Variants in KIRREL3 observed in about 807,000 individuals in gnomAD.
KIRREL3 encodes the protein kin of IRRE-like protein 3.
In KIRREL3, 36 loss-of-function variants were observed where a neutral mutation model predicts 89.7. That is an observed-to-expected ratio of 0.40 (90% CI 0.31 to 0.53). The LOEUF is 0.53. KIRREL3 is among the 20% of genes least tolerant of loss of function. KIRREL3 has a pLI of 0.49. For synonymous variants in KIRREL3, 445 were observed against 441.4 expected (o/e 1.01, Z -0.10); for missense variants, 864 against 1,056.6 (o/e 0.82, Z 2.53).
intron 1 of KIRREL3, among the ~76,000 whole-genome samples, chr11:126,572,166 G>C (rs1332459353): frequency 6.6e-6 from 1 of 152,170 alleles, no homozygotes; most frequent in Non-Finnish European, 1.5e-5. Context: ...TTTCTAGAAG[G>C]ACCAAGAGTT....
intron 1 of KIRREL3, among the ~76,000 whole-genome samples, chr11:126,735,941 C>G (rs1948785954): frequency 6.6e-6 from 1 of 152,212 alleles, no homozygotes; most frequent in African/African-American, 2.4e-5. Context: ...CCCCCACCTT[C>G]CAGGCATTGG....
At position 126,431,541 on chromosome 11, in the gene KIRREL3, C is replaced by T. The variant is rs758048865; in HGVS notation, c.1589-15G>A. 74 of 1,610,582 alleles carry T rather than the reference C, an allele frequency of 4.6e-5. No individual in the cohort carries two copies. The highest frequency in any genetic ancestry group is 6.7e-5 in the African/African-American group (5 of 74,892). On this transcript the variant is annotated splice_polypyrimidine_tract_variant and intron_variant, in intron 13 of 16. Coordinates refer to ENST00000525144, the MANE Select transcript of KIRREL3 (RefSeq NM_032531.4). The surrounding 1 kb of genome is among the most constrained non-coding windows in gnomAD (Gnocchi z 7.1). Reference sequence around the variant, plus strand: ...CGGCACAGACTCTGTGGGAGAGAAGCGGGCACAGCTGATGACGGATGGGGA... The same window carrying T: ...CGGCACAGACTCTGTGGGAGAGAAGTGGGCACAGCTGATGACGGATGGGGA...
rs188463040 is a variant in KIRREL3, at chr11:126,842,560, G to C, written c.55+157895C>G. On this transcript the variant is annotated intron_variant, in intron 1 of 16. Coordinates refer to ENST00000525144, the MANE Select transcript of KIRREL3 (RefSeq NM_032531.4). ...CAATATCCTTCATCCACCTTCACTT[G>C]GGACCTCATCCTAGGAACACAGTGC... 9.5e-4 allele frequency among the ~76,000 whole-genome samples: 145 copies of C among 152,158 alleles called. 2 individuals are homozygous for C. The highest frequency in any genetic ancestry group is 3.1e-3 in the African/African-American group (128 of 41,508).
At chr11:126,888,801 A>G (rs919987610) in intron 1 of KIRREL3, among the ~76,000 whole-genome samples, 2 of 152,174 alleles carry the variant, frequency 1.3e-5, no homozygotes, top group Non-Finnish European at 2.9e-5. Flanking sequence ...GACCCATTTC[A>G]TTGTCGACAG....
At position 126,623,219 on chromosome 11, in the gene KIRREL3, G is replaced by T. The variant is rs1314714273; in HGVS notation, c.56-60307C>A. Among the ~76,000 whole-genome samples, 2 of 152,088 alleles carry T rather than the reference G, an allele frequency of 1.3e-5. No individual in the cohort carries two copies. Among genetic ancestry groups the T allele is most frequent in the Non-Finnish European group, 2.9e-5 (2 of 68,024 alleles). On this transcript the variant is annotated intron_variant, in intron 1 of 16. Transcript: ENST00000525144. The surrounding 1 kb of genome is among the most constrained non-coding windows in gnomAD (Gnocchi z 4.1). ...TCTTCACCTTCAACTCATCTCAATG[G>T]GTGGAAAAACCTACCCACATGCTAT... is the stretch of plus-strand genomic sequence containing the variant.
rs1182347734 is a variant in KIRREL3 at position 126,994,495 on chromosome 11, T to C, written c.55+5960A>G. ...AATGTTCATAGTGGTGTTGACTGTG[T>C]ACGCACTGAAACATTGTATGCTTAT... On this transcript the variant is annotated intron_variant, in intron 1 of 16. Coordinates refer to ENST00000525144, the MANE Select transcript of KIRREL3 (RefSeq NM_032531.4). This position sits in a 1 kb window ranked among gnomAD's most constrained non-coding sequence, Gnocchi z 5.2. 2.0e-5 allele frequency among the ~76,000 whole-genome samples: 3 copies of C among 152,252 alleles called. No homozygotes were observed. The highest frequency in any genetic ancestry group is 4.4e-5 in the Non-Finnish European group (3 of 68,050).
In KIRREL3 at chr11:126,708,273, G is replaced by C. The variant is rs951903472; in HGVS notation, c.56-145361C>G. On this transcript the variant is annotated intron_variant, in intron 1 of 16. Coordinates refer to ENST00000525144, the MANE Select transcript of KIRREL3 (RefSeq NM_032531.4). This position sits in a 1 kb window ranked among gnomAD's most constrained non-coding sequence, Gnocchi z 5.7. Reference sequence around the variant, plus strand: ...GCGGGCAAAATGAGGATGTGAAGTCGAGCATCTGAGAAGGCTCAGAAAGTC... The same window carrying C: ...GCGGGCAAAATGAGGATGTGAAGTCCAGCATCTGAGAAGGCTCAGAAAGTC... Among the ~76,000 whole-genome samples, 7 of 152,156 alleles carry C rather than the reference G, an allele frequency of 4.6e-5. No homozygotes were observed. Among genetic ancestry groups the C allele is most frequent in the African/African-American group, 1.7e-4 (7 of 41,426 alleles).
chr11:126,510,421 TTTCCTTCC>T (rs202158249), intron 4 of KIRREL3, among the ~76,000 whole-genome samples: 6,584 of 126,348 alleles, frequency 0.052, 235 homozygotes, highest in East Asian at 0.1. Context: ...CCTGACGTTG[TTTCCTTCC>T]TTCCTTCCTT....
chr11:126,866,901 C>G (rs1944944800), intron 1 of KIRREL3, among the ~76,000 whole-genome samples: 1 of 152,192 alleles, frequency 6.6e-6, no homozygotes, highest in Non-Finnish European at 1.5e-5. Context: ...TACCTCCACT[C>G]AATAAAACCT....
chr11:126,790,137 T>A (rs7130959), intron 1 of KIRREL3, among the ~76,000 whole-genome samples: 1,849 of 152,334 alleles, frequency 0.012, 37 homozygotes, highest in African/African-American at 0.041. Context: ...TTACCCACTC[T>A]ATTGGAGTGG....
chr11:126,570,307 C>A lies in KIRREL3; in HGVS notation c.56-7395G>T, dbSNP rs1208115736. 6.6e-6 allele frequency among the ~76,000 whole-genome samples: 1 copy of A among 152,156 alleles called. No homozygotes were observed. Among genetic ancestry groups the A allele is most frequent in the African/African-American group, 2.4e-5 (1 of 41,436 alleles). ...CTAAGTTTTTCCCCATTCATATTAT[C>A]AATTAGTTGTTTTAAACTATTGATT... On this transcript the variant is annotated intron_variant, in intron 1 of 16. Coordinates refer to ENST00000525144, the MANE Select transcript of KIRREL3 (RefSeq NM_032531.4). The surrounding 1 kb of genome is among the most constrained non-coding windows in gnomAD (Gnocchi z 6.1).
At position 126,833,170 on chromosome 11, in the gene KIRREL3, C is replaced by T. The variant is rs189509439; in HGVS notation, c.55+167285G>A. Among the ~76,000 whole-genome samples the T allele has an allele frequency of 2.6e-5, 4 of 152,316 alleles. No individual in the cohort carries two copies. In the East Asian group the frequency reaches 5.8e-4, roughly 22 times the overall value. On this transcript the variant is annotated intron_variant, in intron 1 of 16. Transcript: ENST00000525144. ...TTTGTTACCCAGCACCACCCTACTT[C>T]CTGCAAGAGGCACAAGGATGAAGCA...
rs1426825309 is a variant in KIRREL3 at position 126,620,745 on chromosome 11, C to G, written c.56-57833G>C. Among the ~76,000 whole-genome samples the G allele has an allele frequency of 6.6e-6, 1 of 152,202 alleles. No individual in the cohort carries two copies. Among genetic ancestry groups the G allele is most frequent in the Non-Finnish European group, 1.5e-5 (1 of 68,032 alleles). ...TAGGTCTCTTGATCTCTTCTTCCTG[C>G]CTCATACCCCACTTTAAATTCCTTC... On this transcript the variant is annotated intron_variant, in intron 1 of 16. Coordinates refer to ENST00000525144, the MANE Select transcript of KIRREL3 (RefSeq NM_032531.4). The surrounding 1 kb of genome is among the most constrained non-coding windows in gnomAD (Gnocchi z 4.8).
At chr11:126,737,422 C>T (rs7935787) in intron 1 of KIRREL3, among the ~76,000 whole-genome samples, 15,411 of 151,810 alleles carry the variant, frequency 0.1, 917 homozygotes, top group African/African-American at 0.14. Context: ...CATCACTGCC[C>T]GGGCAGTCTC....
rs920263348 is a variant in KIRREL3, at chr11:126,579,955, C to T, written c.56-17043G>A. ...CCACCTCCTGGATTCACGCCATTCT[C>T]CTGCCTCAGCCTCCCGAGTAGCTGG... On this transcript the variant is annotated intron_variant, in intron 1 of 16. Coordinates refer to ENST00000525144, the MANE Select transcript of KIRREL3 (RefSeq NM_032531.4). This position sits in a 1 kb window ranked among gnomAD's most constrained non-coding sequence, Gnocchi z 5.3. Among the ~76,000 whole-genome samples, 1 of 151,966 alleles carries T rather than the reference C, an allele frequency of 6.6e-6. No homozygotes were observed. Among genetic ancestry groups the T allele is most frequent in the South Asian group, 2.1e-4 (1 of 4,828 alleles).
Position 126,557,427 on chromosome 11 carries a change from T to C in KIRREL3, c.133+5408A>G, listed in dbSNP as rs998140197. Among the ~76,000 whole-genome samples the C allele has an allele frequency of 3.9e-5, 6 of 152,148 alleles. No individual in the cohort carries two copies. ...GTGGGCTGGGTGTTGAGATCCAAGATAGATTTTTGAATCATCACATTTTAG... is the reference window on the plus strand; with the variant it reads ...GTGGGCTGGGTGTTGAGATCCAAGACAGATTTTTGAATCATCACATTTTAG... On this transcript the variant is annotated intron_variant, in intron 2 of 16. Transcript: ENST00000525144. This position sits in a 1 kb window ranked among gnomAD's most constrained non-coding sequence, Gnocchi z 5.6.
At chr11:126,847,911 A>G (rs1944203278) in intron 1 of KIRREL3, among the ~76,000 whole-genome samples, 1 of 152,224 alleles carries the variant, frequency 6.6e-6, no homozygotes, top group Non-Finnish European at 1.5e-5. Context: ...CTTTTGTAAC[A>G]GGACACAATT....
chr11:126,516,006 T>A lies in KIRREL3; in HGVS notation c.433+5309A>T, dbSNP rs116155980. On this transcript the variant is annotated intron_variant, in intron 4 of 16. Transcript: ENST00000525144. This position sits in a 1 kb window ranked among gnomAD's most constrained non-coding sequence, Gnocchi z 4.9. ...CCCCAGAAGATTCATGGATGGGAGA[T>A]TGGGGGAGGCTGCCAACGCGGTGGG... Among the ~76,000 whole-genome samples, 1 of 152,040 alleles carries A rather than the reference T, an allele frequency of 6.6e-6. No homozygotes were observed. The highest frequency in any genetic ancestry group is 2.4e-5 in the African/African-American group (1 of 41,404).
intron 1 of KIRREL3, among the ~76,000 whole-genome samples, chr11:126,859,710 G>A (rs956373190): frequency 6.6e-6 from 1 of 152,198 alleles, no homozygotes; most frequent in Non-Finnish European, 1.5e-5. Context: ...GTGGAAATAA[G>A]TTTCTCCCCA....
Sources: gnomAD v4.1 joint callset for allele counts (sites outside exome capture counted in the v4.1 genomes callset) on GRCh38, gnomAD v4.1.1 for gene constraint, Gnocchi (gnomAD v3.1) non-coding constraint, MANE v1.5 for transcripts, NCBI Gene and HGNC (gene_info 2026-07-23, HGNC 2026-07-21) for gene names.